Variants in MAT2B observed in about 807,000 individuals in gnomAD.
MAT2B encodes the protein methionine adenosyltransferase 2 subunit beta.
MAT2B carries 16 observed loss-of-function variants against 36.1 expected under a neutral mutation model. The ratio of observed to expected loss-of-function variants is 0.44; its 90% CI spans 0.30 to 0.67. The LOEUF (loss-of-function observed/expected upper bound fraction) is 0.67. Ranked by LOEUF, MAT2B falls within the 30% of genes least tolerant of loss-of-function variation. The pLI is 0.09. For synonymous variants in MAT2B, 148 were observed against 136.9 expected (o/e 1.08, Z -0.57); for missense variants, 332 against 398.2 (o/e 0.83, Z 1.42).
At chr5:163,509,836 G>T (rs984823137) in intron 1 of MAT2B, among the ~76,000 whole-genome samples, 1 of 152,168 alleles carries the variant, frequency 6.6e-6, no homozygotes, top group Non-Finnish European at 1.5e-5. Context: ...TCATAGATCA[G>T]TTGGTTTAGA....
intron 1 of MAT2B, among the ~76,000 whole-genome samples, chr5:163,509,150 G>A (rs147453516): frequency 1.6e-4 from 25 of 152,000 alleles, no homozygotes; most frequent in Non-Finnish European, 2.5e-4. Context: ...AAACTGTGAC[G>A]ATTCATAAGA....
chr5:163,516,761 T>G, intron 5 of MAT2B, 50 bp downstream of exon 5: 2 of 1,598,276 alleles, frequency 1.3e-6, no homozygotes, highest in Non-Finnish European at 1.7e-6. Context: ...CTTTGTCTTT[T>G]CCATGCTTGA....
intron 4 of MAT2B, among the ~76,000 whole-genome samples, 200 bp downstream of exon 4, chr5:163,514,194 G>A (rs1760094924): frequency 6.6e-6 from 1 of 152,168 alleles, no homozygotes; most frequent in African/African-American, 2.4e-5. Flanking sequence ...TCCACTATCA[G>A]TGTTTACATA....
At chr5:163,506,311 G>A (rs1759936527) in intron 1 of MAT2B, among the ~76,000 whole-genome samples, 1 of 152,168 alleles carries the variant, frequency 6.6e-6, no homozygotes, top group Non-Finnish European at 1.5e-5. Flanking sequence ...CATTGGCCCA[G>A]GTTCATTCCG....
chr5:163,505,636 T>G lies in MAT2B; in HGVS notation c.-51T>G. On this transcript the variant is annotated 5_prime_UTR_variant, in exon 1 of 7. Coordinates refer to ENST00000321757, the MANE Select transcript of MAT2B (RefSeq NM_013283.5). ...TCTGAGCTGAGGCCCGCGTCGATCC[T>G]GGGTTGGAGGAGGTGGCGGCCGCTG... 1.6e-6 allele frequency: 2 copies of G among 1,255,688 alleles called. No individual in the cohort carries two copies. Among genetic ancestry groups the G allele is most frequent in the Non-Finnish European group, 2.0e-6 (2 of 992,090 alleles). 77.8% of individuals were successfully genotyped at this position (1,255,688 alleles called of 1,614,324 possible). A position where few individuals can be genotyped will look rare whatever the true frequency, so the allele number is the denominator to read the frequency against.
At chr5:163,509,547 AC>A (rs1365408697) in intron 1 of MAT2B, among the ~76,000 whole-genome samples, 3 of 152,194 alleles carry the variant, frequency 2.0e-5, no homozygotes, top group African/African-American at 7.2e-5. Context: ...ATTCTGATCC[AC>A]ACTGAAGCAC....
chr5:163,505,526 C>T, upstream of MAT2B: 2 of 1,241,408 alleles, frequency 1.6e-6, no homozygotes, highest in Non-Finnish European at 2.0e-6. Context: ...CGGAGCGTGG[C>T]CAATCAACGG....
intron 2 of MAT2B, chr5:163,512,649 G>A (rs746465118): frequency 2.1e-4 from 92 of 441,132 alleles, no homozygotes; most frequent in Non-Finnish European, 3.8e-4. Flanking sequence ...CCAAATTGGG[G>A]GATAAAACTT....
chr5:163,513,321 G>A (rs937324410), intron 2 of MAT2B: 13 of 373,264 alleles, frequency 3.5e-5, no homozygotes, highest in Admixed American at 1.6e-4. Flanking sequence ...TTTTTTCCTG[G>A]TTTGTGTCTG....
intron 2 of MAT2B, 126 bp downstream of exon 2, chr5:163,512,322 G>T: frequency 2.4e-6 from 2 of 829,098 alleles, no homozygotes; most frequent in South Asian, 3.1e-5. Flanking sequence ...TTATGCAGTA[G>T]CATTTTTTTC....
chr5:163,516,330 A>G (rs1760132910), intron 4 of MAT2B, among the ~76,000 whole-genome samples, 188 bp from the exon 5 acceptor site: 1 of 152,190 alleles, frequency 6.6e-6, no homozygotes, highest in African/African-American at 2.4e-5. Context: ...CATTATAGGC[A>G]TGAGTCACTG....
chr5:163,505,596 G>A, upstream of MAT2B: 1 of 1,248,184 alleles, frequency 8.0e-7, no homozygotes, highest in Non-Finnish European at 1.0e-6. Flanking sequence ...GCCTAGGGGA[G>A]GCGGGCCGAG....
chr5:163,512,982 A>C (rs570430732), intron 2 of MAT2B: 19 of 216,304 alleles, frequency 8.8e-5, no homozygotes, highest in Non-Finnish European at 1.7e-4. Context: ...CGCCCAGCCT[A>C]GAAACATGGT....
At chr5:163,508,076 ATTAG>A in intron 1 of MAT2B, among the ~76,000 whole-genome samples, 1 of 152,342 alleles carries the variant, frequency 6.6e-6, no homozygotes, top group East Asian at 1.9e-4. Flanking sequence ...GAAACCAAAT[ATTAG>A]TTCACAGGAT....
upstream of MAT2B, among the ~76,000 whole-genome samples, chr5:163,503,766 T>C (rs761965054): frequency 1.3e-5 from 2 of 152,250 alleles, no homozygotes; most frequent in Non-Finnish European, 2.9e-5. Context: ...TGTCTTTGTA[T>C]GAATTGAATC....
At chr5:163,514,021 AT>A in intron 4 of MAT2B, 27 bp downstream of exon 4, 1 of 1,573,752 alleles carries the variant, frequency 6.4e-7, no homozygotes, top group South Asian at 1.2e-5. Flanking sequence ...TTAGCCCCTG[AT>A]TGTTTTTGAA....
Position 163,513,662 on chromosome 5 carries a change from G to T in MAT2B, c.366G>T (p.Lys122Asn). ...LNVDASGNLA[K>N]EAAAVGAFLI... ...TGGATGCTTCTGGGAATTTAGCAAA[G>T]GAAGCAGGTAATGATGACTTTATAA... Residue 122 changes from lysine to asparagine, a missense_variant, in exon 3 of 7, where the codon AAG (lysine) becomes AAT (asparagine). Physicochemically the swap from Lys to Asn is moderately conservative, Grantham distance 94. Coordinates refer to ENST00000321757, the MANE Select transcript of MAT2B (RefSeq NM_013283.5). 6.2e-7 allele frequency: 1 copy of T among 1,610,810 alleles called. No individual in the cohort carries two copies. Among genetic ancestry groups the T allele is most frequent in the Non-Finnish European group, 8.5e-7 (1 of 1,177,598 alleles).
chr5:163,516,377 A>C, intron 4 of MAT2B, 141 bp from the exon 5 acceptor site: 1 of 673,848 alleles, frequency 1.5e-6, no homozygotes, highest in Non-Finnish European at 2.5e-6. Flanking sequence ...GCGTTGTCAC[A>C]AGTGAGCTGT....
intron 6 of MAT2B, 67 bp from the exon 7 acceptor site, chr5:163,518,126 G>A: frequency 1.7e-6 from 2 of 1,151,454 alleles, no homozygotes; most frequent in Non-Finnish European, 2.4e-6. Flanking sequence ...AGGTCAGGGG[G>A]AACAAAGCCC....
Sources: gnomAD v4.1 joint callset for allele counts (sites outside exome capture counted in the v4.1 genomes callset) on GRCh38, gnomAD v4.1.1 for gene constraint, MANE v1.5 for transcripts, NCBI Gene and HGNC (gene_info 2026-07-23, HGNC 2026-07-21) for gene names.